Variants in NOM1 observed in about 807,000 individuals in gnomAD.
NOM1 encodes the protein nucleolar protein with MIF4G domain 1, also known as nucleolar MIF4G domain-containing protein 1.
A neutral mutation model predicts 73.3 loss-of-function variants in NOM1; 58 were observed. The ratio of observed to expected loss-of-function variants is 0.79; its 90% CI spans 0.64 to 0.99. The LOEUF is 0.99. Among genes scored for constraint, NOM1 ranks in the 50% least tolerant of loss-of-function variants. The pLI, the probability that NOM1 is intolerant of heterozygous loss-of-function variation, is 0.00. For missense variants in NOM1, 1,226 were observed against 1,131.9 expected, an observed-to-expected ratio of 1.08 and a Z score of -1.19; for synonymous variants, 487 against 446.8, an observed-to-expected ratio of 1.09 and a Z score of -1.14.
chr7:156,968,123 A>G (rs1805046969), intron 9 of NOM1, among the ~76,000 whole-genome samples: 1 of 152,102 alleles, frequency 6.6e-6, no homozygotes, highest in Non-Finnish European at 1.5e-5. Flanking sequence ...TGTACTGAAA[A>G]TGAGGGCACC....
Position 156,971,439 on chromosome 7 carries a change from G to A in NOM1, c.*1736G>A, listed in dbSNP as rs1170387256. ...GGCTCACTCTGTCACCCAGGCCAGAGTGCAGTGGCACGATCATAGTTACCG... is the reference window on the plus strand; with the variant it reads ...GGCTCACTCTGTCACCCAGGCCAGAATGCAGTGGCACGATCATAGTTACCG... On this transcript the variant is annotated 3_prime_UTR_variant, in exon 11 of 11. Coordinates refer to ENST00000275820, the MANE Select transcript of NOM1 (RefSeq NM_138400.2). The A allele has an allele frequency of 2.0e-5, 3 of 152,114 alleles. No individual in the cohort carries two copies. The allele number at this position is 152,114 out of a possible 1,614,324, so 9.4% of individuals were successfully genotyped here. A position where few individuals can be genotyped will look rare whatever the true frequency, so the allele number is the denominator to read the frequency against.
intron 3 of NOM1, chr7:156,958,523 AAATG>A (rs1804783000): frequency 6.6e-6 from 1 of 152,238 alleles, no homozygotes; most frequent in South Asian, 2.1e-4. Context: ...ATTTGACGGA[AAATG>A]ATGACACGGT....
rs765115243 is a variant in NOM1, at chr7:156,954,303, A to T, written c.1308+5A>T. The T allele has an allele frequency of 6.4e-7, 1 of 1,570,960 alleles. No homozygotes were observed. Among genetic ancestry groups the T allele is most frequent in the East Asian group, 2.3e-5 (1 of 44,116 alleles). ...CACCACACAGTTGGAATCGAGGTACAGTTGTACCTTTTCTCCAGGCTGTCA... is the reference window on the plus strand; with the variant it reads ...CACCACACAGTTGGAATCGAGGTACTGTTGTACCTTTTCTCCAGGCTGTCA... On this transcript the variant is annotated splice_donor_5th_base_variant and intron_variant, in intron 3 of 10. Coordinates refer to ENST00000275820, the MANE Select transcript of NOM1 (RefSeq NM_138400.2).
intron 9 of NOM1, among the ~76,000 whole-genome samples, chr7:156,968,271 T>A (rs1805052090): frequency 6.6e-6 from 1 of 152,176 alleles, no homozygotes; most frequent in African/African-American, 2.4e-5. Flanking sequence ...CTACCACCGA[T>A]GAGCGGGAGA....
intron 10 of NOM1, 140 bp from the exon 11 acceptor site, chr7:156,969,389 T>A (rs1805083830): frequency 2.5e-6 from 2 of 806,836 alleles, no homozygotes; most frequent in Non-Finnish European, 1.9e-6. Context: ...TTGTTAATAA[T>A]AAAATATGTT....
chr7:156,971,682 A>G lies in NOM1; in HGVS notation c.*1979A>G, dbSNP rs1245894917. 2 of 152,260 alleles carry G rather than the reference A, an allele frequency of 1.3e-5. No homozygotes were observed. The allele number at this position is 152,260 out of a possible 1,614,324, so 9.4% of individuals were successfully genotyped here. ...ACCCTATGGCAGTTTGTGTTTGGAA[A>G]TCGTGATGTGAAGTCATCAGTATCT... is the stretch of plus-strand genomic sequence containing the variant. On this transcript the variant is annotated 3_prime_UTR_variant, in exon 11 of 11. Coordinates refer to ENST00000275820, the MANE Select transcript of NOM1 (RefSeq NM_138400.2).
Position 156,949,821 on chromosome 7 carries a change from C to T in NOM1, c.84C>T (p.Arg28=). 1 of 1,445,820 alleles carries T rather than the reference C, an allele frequency of 6.9e-7. No homozygotes were observed. The allele number at this position is 1,445,820 out of a possible 1,614,324, so 89.6% of individuals were successfully genotyped here. Residue 28 remains arginine (R), a synonymous_variant, in exon 1 of 11, where the codon CGC becomes CGT. Coordinates refer to ENST00000275820, the MANE Select transcript of NOM1 (RefSeq NM_138400.2). The part of the protein sequence containing the change: ...RVVRMKRRGG[R]GPRRGPAGGG... ...TCCGCATGAAGCGCAGAGGCGGGCG[C>T]GGGCCGCGCCGCGGTCCTGCTGGCG... is the stretch of plus-strand genomic sequence containing the variant.
chr7:156,965,814 T>A (rs910739891), intron 7 of NOM1, among the ~76,000 whole-genome samples: 1 of 152,108 alleles, frequency 6.6e-6, no homozygotes, highest in African/African-American at 2.4e-5. Flanking sequence ...CTCGGGAGGC[T>A]GAGGTACAAG....
At chr7:156,965,609 G>A (rs1804975766) in intron 7 of NOM1, among the ~76,000 whole-genome samples, 1 of 152,228 alleles carries the variant, frequency 6.6e-6, no homozygotes, top group Admixed American at 6.5e-5. Context: ...CTGTGTGTGA[G>A]CTCTAACTCA....
chr7:156,967,682 G>A (rs532124526), intron 9 of NOM1, among the ~76,000 whole-genome samples: 3 of 152,232 alleles, frequency 2.0e-5, no homozygotes, highest in South Asian at 2.1e-4. Flanking sequence ...ATGCCACCAC[G>A]CCCAGCTAAT....
intron 9 of NOM1, 52 bp from the exon 10 acceptor site, chr7:156,969,035 A>G: frequency 1.0e-6 from 1 of 955,464 alleles, no homozygotes; most frequent in South Asian, 1.3e-5. Context: ...AATCATTGAA[A>G]AAGTTGGCTA....
In NOM1 at chr7:156,963,192, T is replaced by C. The variant is rs747223828; in HGVS notation, c.1911+17T>C. ...GTGGGGACGGTAGGGACACCCATGC[T>C]CAAGGCTGCCAGGCAGAGGCACCCC... On this transcript the variant is annotated intron_variant, in intron 6 of 10. Coordinates refer to ENST00000275820, the MANE Select transcript of NOM1 (RefSeq NM_138400.2). The C allele has an allele frequency of 6.2e-7, 1 of 1,613,840 alleles. No homozygotes were observed. The highest frequency in any genetic ancestry group is 1.1e-5 in the South Asian group (1 of 91,086).
Position 156,969,116 on chromosome 7 carries a change from C to G in NOM1, c.2328C>G (p.Pro776=). Residue 776 remains proline (P), a synonymous_variant, in exon 10 of 11, where the codon CCC becomes CCG. Transcript: ENST00000275820. ...KVVEFSELDK[P]RVRFLRKVLS... ...TTGAATTCAGTGAATTGGACAAACC[C>G]AGAGTCCGTTTTTTACGAAAAGTAT... 6.3e-7 allele frequency: 1 copy of G among 1,594,750 alleles called. No homozygotes were observed. Among genetic ancestry groups the G allele is most frequent in the Non-Finnish European group, 8.6e-7 (1 of 1,162,280 alleles).
At position 156,949,759 on chromosome 7, in the gene NOM1, G is replaced by A; in HGVS notation, c.22G>A (p.Gly8Arg). 2.9e-6 allele frequency: 4 copies of A among 1,396,636 alleles called. No homozygotes were observed. Among genetic ancestry groups the A allele is most frequent in the East Asian group, 2.8e-5 (1 of 35,852 alleles). 86.5% of individuals were successfully genotyped at this position (1,396,636 alleles called of 1,614,324 possible). A position where few individuals can be genotyped will look rare whatever the true frequency, so the allele number is the denominator to read the frequency against. Residue 8 changes from glycine (G) to arginine (R), a missense_variant, in exon 1 of 11, where the codon GGA (glycine) becomes AGA (arginine). Physicochemically the swap from Gly to Arg is moderately radical, Grantham distance 125. Coordinates refer to ENST00000275820, the MANE Select transcript of NOM1 (RefSeq NM_138400.2). ...AAAGATGGCGGCGTCCAGGAGCGCG[G>A]GAGAGGCCGGCCCGGGCGGCTCCCA... MAASRSA[G>R]EAGPGGSQGR...
rs1175701469 is a variant in NOM1, at chr7:156,959,837, T to C, written c.1309-14T>C. ...TAGGAATAACATAATCTTTTTTCTG[T>C]GTGGTTCTTTCAGGTCGGTGCCCAC... On this transcript the variant is annotated splice_polypyrimidine_tract_variant and intron_variant, in intron 3 of 10. Coordinates refer to ENST00000275820, the MANE Select transcript of NOM1 (RefSeq NM_138400.2). 6.2e-7 allele frequency: 1 copy of C among 1,611,730 alleles called. No individual in the cohort carries two copies. The highest frequency in any genetic ancestry group is 2.2e-5 in the East Asian group (1 of 44,874).
At chr7:156,962,598 A>G (rs924766866) in intron 5 of NOM1, among the ~76,000 whole-genome samples, 1 of 152,228 alleles carries the variant, frequency 6.6e-6, no homozygotes, top group African/African-American at 2.4e-5. Context: ...GGGATGACGT[A>G]GGTCCTTTGA....
rs1804830286 is a variant in NOM1, at chr7:156,960,185, G to A, written c.1632+11G>A. ...CAGGACCAGACCAGGGTACGCGTGC[G>A]ACGCTTGATCTGCTTCCTAAGTCCC... On this transcript the variant is annotated intron_variant, in intron 4 of 10. Transcript: ENST00000275820. 1.1e-5 allele frequency: 17 copies of A among 1,601,788 alleles called. No homozygotes were observed. Among genetic ancestry groups the A allele is most frequent in the East Asian group, 2.2e-5 (1 of 44,834 alleles).
In NOM1 at chr7:156,971,171, A is replaced by G. The variant is rs554310757; in HGVS notation, c.*1468A>G. On this transcript the variant is annotated 3_prime_UTR_variant, in exon 11 of 11. Transcript: ENST00000275820. ...CCCTTCAATTTTGCTTTTCTCTCTC[A>G]AATGCTACAGACTCAATTTAAATCT... The G allele has an allele frequency of 2.2e-4, 34 of 152,378 alleles. No individual in the cohort carries two copies. Among genetic ancestry groups the G allele is most frequent in the African/African-American group, 7.5e-4 (31 of 41,594 alleles). 9.4% of individuals were successfully genotyped at this position (152,378 alleles called of 1,614,324 possible). A position where few individuals can be genotyped will look rare whatever the true frequency, so the allele number is the denominator to read the frequency against.
intron 2 of NOM1, 125 bp from the exon 3 acceptor site, chr7:156,953,978 G>C (rs920085589): frequency 2.8e-6 from 2 of 711,908 alleles, no homozygotes; most frequent in African/African-American, 1.8e-5. Flanking sequence ...AATAGTTAAG[G>C]GGTCAAAAGT....
Sources: gnomAD v4.1 joint callset for allele counts (sites outside exome capture counted in the v4.1 genomes callset) on GRCh38, gnomAD v4.1.1 for gene constraint, MANE v1.5 for transcripts, NCBI Gene and HGNC (gene_info 2026-07-23, HGNC 2026-07-21) for gene names.